Variants in CCDC18 observed in about 807,000 individuals in gnomAD.
CCDC18 encodes coiled-coil domain-containing protein 18.
In CCDC18, 157 loss-of-function variants were observed where a neutral mutation model predicts 196.0. The observed-to-expected ratio is 0.80, with a 90% CI of 0.70 to 0.91. The LOEUF (loss-of-function observed/expected upper bound fraction) is 0.91. Ranked by LOEUF, CCDC18 falls within the 40% of genes least tolerant of loss-of-function variation. The probability of loss-of-function intolerance (pLI) is 0.00; values close to 1 mark genes in which losing one functional copy is unlikely to be tolerated. For synonymous variants in CCDC18, 482 were observed against 529.2 expected, an observed-to-expected ratio of 0.91 and a Z score of 1.22; for missense variants, 1,465 against 1,611.6, an observed-to-expected ratio of 0.91 and a Z score of 1.56.
chr1:93,262,459 C>T (rs1212858502), intron 26 of CCDC18: 2 of 152,198 alleles, frequency 1.3e-5, no homozygotes, highest in Admixed American at 6.5e-5. Flanking sequence ...TTTGCCAAAA[C>T]AAAGAGGCTG....
chr1:93,216,526 A>G, intron 12 of CCDC18, 110 bp from the exon 13 acceptor site: 1 of 523,440 alleles, frequency 1.9e-6, no homozygotes, highest in Non-Finnish European at 3.3e-6. Flanking sequence ...TGCCCAATTT[A>G]CCTAGACACA....
intron 13 of CCDC18, among the ~76,000 whole-genome samples, 190 bp downstream of exon 13, chr1:93,216,936 T>TC (rs56919602): frequency 4.6e-4 from 20 of 43,252 alleles, no homozygotes; most frequent in African/African-American, 2.6e-3. Context: ...AAGTTTTCTC[T>TC]TTTTTTTTTT....
Position 93,207,351 on chromosome 1 carries a change from T to A in CCDC18, c.1162T>A (p.Ser388Thr), listed in dbSNP as rs780524469. ...TTTATGTCAACAAGAAATTGAAAGT[T>A]CAAGGGTAGAACTAAGAAGTTTGGA... ...LDLCQQEIES[S>T]RVELRSLEKI... is the part of the protein sequence containing the mutation. Residue 388 changes from serine to threonine, a missense_variant, in exon 9 of 29, where the codon TCA (serine) becomes ACA (threonine). Ser to Thr is a moderately conservative substitution (Grantham distance 58). Transcript: ENST00000690025. 3.4e-5 allele frequency: 55 copies of A among 1,612,162 alleles called. 1 individual carries two copies. In the Admixed American group the frequency reaches 9.2e-4, roughly 27 times the overall value.
chr1:93,239,369 T>C lies in CCDC18; in HGVS notation c.2663T>C (p.Ile888Thr), dbSNP rs1660462627. The change falls in exon 20 of 29, where the codon ATA becomes ACA. Residue 888 changes from isoleucine to threonine, a missense_variant. Coordinates refer to ENST00000690025, the MANE Select transcript of CCDC18 (RefSeq NM_001378204.1). ...GAGCTGTCTAAAATGGAAAAGGAAA[T>C]AATGCACCTAAAACGAGATGGAGAA... is the stretch of plus-strand genomic sequence containing the variant. ...KEELSKMEKE[I>T]MHLKRDGENK... 6.2e-7 allele frequency: 1 copy of C among 1,613,210 alleles called. No homozygotes were observed.
In CCDC18 at chr1:93,258,732, A is replaced by G. The variant is rs765753090; in HGVS notation, c.3547-16A>G. On this transcript the variant is annotated splice_polypyrimidine_tract_variant and intron_variant, in intron 25 of 28. Coordinates refer to ENST00000690025, the MANE Select transcript of CCDC18 (RefSeq NM_001378204.1). ...AAACAAGTTTTATAGCTTTTACTCA[A>G]TATGTCATTTTTAAGGATGCTCATG... 13 of 1,527,124 alleles carry G rather than the reference A, an allele frequency of 8.5e-6. No homozygotes were observed. Among genetic ancestry groups the G allele is most frequent in the Middle Eastern group, 1.7e-4 (1 of 5,774 alleles). The allele number at this position is 1,527,124 out of a possible 1,614,324, so 94.6% of individuals were successfully genotyped here.
Position 93,239,383 on chromosome 1 carries a change from CGAGATG to C in CCDC18, c.2682_2687del (p.Asp894_Gly895del). ...GGAAAAGGAAATAATGCACCTAAAA[CGAGATG>C]GAGAAAATAAAGCAATGCACCTCTC... On this transcript the variant is annotated inframe_deletion, in exon 20 of 29. Transcript: ENST00000690025. 2 of 1,612,878 alleles carry C rather than the reference CGAGATG, an allele frequency of 1.2e-6. No individual in the cohort carries two copies. The highest frequency in any genetic ancestry group is 1.7e-6 in the Non-Finnish European group (2 of 1,179,302).
intron 6 of CCDC18, among the ~76,000 whole-genome samples, chr1:93,195,393 T>A (rs947803168): frequency 6.6e-6 from 1 of 152,226 alleles, no homozygotes; most frequent in Non-Finnish European, 1.5e-5. Context: ...ATTTGTATTT[T>A]AACCTGGAAA....
chr1:93,249,098 C>G (rs1661898661), intron 23 of CCDC18, among the ~76,000 whole-genome samples: 1 of 151,604 alleles, frequency 6.6e-6, no homozygotes, highest in African/African-American at 2.4e-5. Context: ...AGGTCCTGGG[C>G]TTTTCTTTGA....
chr1:93,260,397 T>G lies in CCDC18; in HGVS notation c.3684+1512T>G, dbSNP rs528710985. Reference sequence around the variant, plus strand: ...GAAACTCCGTCTCAAAAAAAATAAGTACATGCTGCTGCATTTTAATATTTA... The same window carrying G: ...GAAACTCCGTCTCAAAAAAAATAAGGACATGCTGCTGCATTTTAATATTTA... On this transcript the variant is annotated intron_variant, in intron 26 of 28. Transcript: ENST00000690025. Among the ~76,000 whole-genome samples, 147 of 152,242 alleles carry G rather than the reference T, an allele frequency of 9.7e-4. 4 individuals carry two copies. In the South Asian group the frequency reaches 0.029, roughly 31 times the overall value.
intron 7 of CCDC18, among the ~76,000 whole-genome samples, chr1:93,203,263 T>C (rs1654136617): frequency 6.6e-6 from 1 of 152,082 alleles, no homozygotes; most frequent in East Asian, 1.9e-4. Context: ...CTGGTTTGAG[T>C]GACTGCTGGA....
At chr1:93,227,068 C>G (rs961611791) in intron 17 of CCDC18, among the ~76,000 whole-genome samples, 2 of 150,336 alleles carry the variant, frequency 1.3e-5, no homozygotes, top group Non-Finnish European at 3.0e-5. Context: ...TAAAATTCTT[C>G]AAGAATTTTT....
At chr1:93,249,649 T>C (rs150619745) in intron 23 of CCDC18, among the ~76,000 whole-genome samples, 1 of 152,302 alleles carries the variant, frequency 6.6e-6, no homozygotes, top group East Asian at 1.9e-4. Context: ...GTATTATGTA[T>C]TATCCAGAAT....
chr1:93,221,784 A>G lies in CCDC18; in HGVS notation c.2097+41A>G, dbSNP rs757062843. 3 of 1,593,936 alleles carry G rather than the reference A, an allele frequency of 1.9e-6. No individual in the cohort carries two copies. The African/African-American group carries it at 4.1e-5, about 22-fold the overall frequency. ...TAAAAGTGCTATTTAGAAGTTGACT[A>G]ATATTTTATGTCTCTATAACTTGCC... is the stretch of plus-strand genomic sequence containing the variant. On this transcript the variant is annotated intron_variant, in intron 15 of 28. Transcript: ENST00000690025.
intron 15 of CCDC18, 51 bp downstream of exon 15, chr1:93,221,794 GTC>G (rs1557649005): frequency 1.3e-6 from 2 of 1,591,250 alleles, no homozygotes; most frequent in South Asian, 2.3e-5. Flanking sequence ...AATATTTTAT[GTC>G]TCTATAACTT....
intron 16 of CCDC18, 35 bp downstream of exon 16, chr1:93,221,971 C>CTTTT (rs113139948): frequency 1.7e-5 from 19 of 1,144,292 alleles, no homozygotes; most frequent in Admixed American, 5.5e-5. Context: ...TCTTTCTTTC[C>CTTTT]TTTTTTTTTT....
chr1:93,245,512 G>C (rs933429617), intron 21 of CCDC18, among the ~76,000 whole-genome samples: 5 of 152,046 alleles, frequency 3.3e-5, no homozygotes, highest in African/African-American at 9.7e-5. Context: ...ATTATTCTCT[G>C]ATCACAGGCT....
chr1:93,254,770 C>A (rs1662713489), intron 24 of CCDC18, among the ~76,000 whole-genome samples, 156 bp downstream of exon 24: 1 of 151,878 alleles, frequency 6.6e-6, no homozygotes, highest in Non-Finnish European at 1.5e-5. Context: ...GTTTCTTTGA[C>A]CTTTTAAAAT....
At chr1:93,246,656 G>A (rs545518681) in intron 22 of CCDC18, among the ~76,000 whole-genome samples, 182 bp from the exon 23 acceptor site, 2 of 152,148 alleles carry the variant, frequency 1.3e-5, no homozygotes, top group South Asian at 4.1e-4. Context: ...AGTAAACAAT[G>A]ATTATTTTTC....
chr1:93,245,202 A>G (rs1328169205), intron 21 of CCDC18, among the ~76,000 whole-genome samples: 4 of 152,238 alleles, frequency 2.6e-5, no homozygotes, highest in Admixed American at 1.3e-4. Context: ...AGATGTAAAC[A>G]GTGAAATCTT....
Sources: allele counts gnomAD v4.1 joint callset (sites outside exome capture counted in the v4.1 genomes callset), GRCh38; gene constraint gnomAD v4.1.1; transcripts MANE v1.5; gene names NCBI Gene and HGNC (gene_info 2026-07-23, HGNC 2026-07-21).